IMMP2L: variants seen among roughly 807,000 people sequenced by gnomAD.
IMMP2L encodes inner mitochondrial membrane peptidase subunit 2.
IMMP2L carries 18 observed loss-of-function variants against 19.3 expected under a neutral mutation model. The observed-to-expected ratio is 0.93, with a 90% CI of 0.64 to 1.38. The LOEUF (loss-of-function observed/expected upper bound fraction) is 1.38, where lower values mean the gene tolerates loss of function less well. Among genes scored for constraint, IMMP2L ranks in the 40% most tolerant of loss-of-function variants. The pLI is 0.00. For missense variants in IMMP2L, 233 were observed against 218.2 expected, an observed-to-expected ratio of 1.07 and a Z score of -0.43; for synonymous variants, 76 against 73.0, an observed-to-expected ratio of 1.04 and a Z score of -0.21.
intron 3 of IMMP2L, among the ~76,000 whole-genome samples, chr7:111,417,027 T>C (rs927058732): frequency 6.6e-6 from 1 of 151,802 alleles, no homozygotes; most frequent in Non-Finnish European, 1.5e-5. Context: ...ATTCACTTTC[T>C]TAGTTGCACT....
At chr7:110,956,680 G>A (rs1818387841) in intron 4 of IMMP2L, among the ~76,000 whole-genome samples, 1 of 151,914 alleles carries the variant, frequency 6.6e-6, no homozygotes, top group African/African-American at 2.4e-5. Context: ...GGACTAAAAA[G>A]AGTCCATTCC....
chr7:110,861,069 T>TTGTGTGTGTGTGTGTG (rs754363475), intron 5 of IMMP2L, among the ~76,000 whole-genome samples: 73 of 129,068 alleles, frequency 5.7e-4, no homozygotes, highest in African/African-American at 2.0e-3. Flanking sequence ...CACCAGCAGT[T>TTGTGTGTGTGTGTGTG]TGTGTGTGTG....
intron 3 of IMMP2L, among the ~76,000 whole-genome samples, chr7:111,015,371 C>A (rs1020148971): frequency 1.3e-5 from 2 of 151,936 alleles, no homozygotes; most frequent in African/African-American, 4.8e-5. Context: ...ATAGATACAG[C>A]AAGTAGAATG....
chr7:111,127,621 T>G (rs1308677125), intron 3 of IMMP2L, among the ~76,000 whole-genome samples: 1 of 152,306 alleles, frequency 6.6e-6, no homozygotes, highest in African/African-American at 2.4e-5. Context: ...CTCTCTCTGT[T>G]ACCTCTTAAT....
intron 5 of IMMP2L, among the ~76,000 whole-genome samples, chr7:110,773,502 C>T (rs1799174671): frequency 6.6e-6 from 1 of 152,112 alleles, no homozygotes; most frequent in Admixed American, 6.6e-5. Flanking sequence ...CATTACGTAT[C>T]AGGTGCAGGG....
At chr7:111,022,904 G>C (rs925958596) in intron 3 of IMMP2L, among the ~76,000 whole-genome samples, 3 of 152,026 alleles carry the variant, frequency 2.0e-5, no homozygotes, top group African/African-American at 7.3e-5. Flanking sequence ...AAAATGTTGT[G>C]AAATTGAATG....
chr7:111,462,433 C>G (rs1840214873), intron 3 of IMMP2L, among the ~76,000 whole-genome samples: 1 of 152,008 alleles, frequency 6.6e-6, no homozygotes, highest in Non-Finnish European at 1.5e-5. Flanking sequence ...CAATGAAACA[C>G]AGTTAATTAC....
At chr7:111,164,055 G>A (rs983844364) in intron 3 of IMMP2L, among the ~76,000 whole-genome samples, 3 of 145,698 alleles carry the variant, frequency 2.1e-5, no homozygotes, top group Admixed American at 1.4e-4. Context: ...ACTGGTAAAG[G>A]CATAGTATGA....
At chr7:111,206,592 A>T (rs982353906) in intron 3 of IMMP2L, among the ~76,000 whole-genome samples, 1 of 152,172 alleles carries the variant, frequency 6.6e-6, no homozygotes, top group African/African-American at 2.4e-5. Context: ...AATGTATCAA[A>T]ATAATAACAT....
intron 3 of IMMP2L, among the ~76,000 whole-genome samples, chr7:111,161,335 G>A (rs1228271636): frequency 1.3e-5 from 2 of 151,684 alleles, no homozygotes; most frequent in South Asian, 2.1e-4. Context: ...TAAATATCCC[G>A]AACAAAATGC....
At chr7:111,505,584 T>C (rs1335857821) in intron 2 of IMMP2L, among the ~76,000 whole-genome samples, 1 of 152,102 alleles carries the variant, frequency 6.6e-6, no homozygotes, top group Non-Finnish European at 1.5e-5. Context: ...TGTCCAACAA[T>C]GATAGACTAG....
chr7:111,254,344 T>C (rs1816471741), intron 3 of IMMP2L, among the ~76,000 whole-genome samples: 1 of 152,144 alleles, frequency 6.6e-6, no homozygotes, highest in African/African-American at 2.4e-5. Flanking sequence ...TTTGAATATA[T>C]GCAAATCTGC....
At chr7:110,921,092 G>C (rs1029007608) in intron 4 of IMMP2L, among the ~76,000 whole-genome samples, 1 of 152,164 alleles carries the variant, frequency 6.6e-6, no homozygotes, top group Non-Finnish European at 1.5e-5. Context: ...GATTCATGTT[G>C]AATAATATTT....
chr7:111,012,449 C>T (rs982296827), intron 3 of IMMP2L, among the ~76,000 whole-genome samples: 1 of 152,002 alleles, frequency 6.6e-6, no homozygotes, highest in Non-Finnish European at 1.5e-5. Flanking sequence ...GCATTCAGTT[C>T]CTCTACATTA....
At chr7:111,560,355 C>T (rs765920824) in intron 1 of IMMP2L, among the ~76,000 whole-genome samples, 1 of 152,080 alleles carries the variant, frequency 6.6e-6, no homozygotes, top group Non-Finnish European at 1.5e-5. Flanking sequence ...GGTCTACTTT[C>T]GAATTTATTT....
chr7:111,508,540 C>T (rs1269014711), intron 2 of IMMP2L, among the ~76,000 whole-genome samples: 2 of 152,054 alleles, frequency 1.3e-5, no homozygotes, highest in Non-Finnish European at 2.9e-5. Context: ...AAGCTTTCAG[C>T]CAAGAGAGGG....
At chr7:110,819,751 T>A (rs899092929) in intron 5 of IMMP2L, among the ~76,000 whole-genome samples, 1 of 152,068 alleles carries the variant, frequency 6.6e-6, no homozygotes, top group African/African-American at 2.4e-5. Context: ...AAATGGATAA[T>A]AATACGAATT....
At chr7:111,403,230 G>A (rs888648491) in intron 3 of IMMP2L, among the ~76,000 whole-genome samples, 1 of 151,594 alleles carries the variant, frequency 6.6e-6, no homozygotes, top group South Asian at 2.1e-4. Context: ...GAGATCTCAT[G>A]GTTTAAAATT....
intron 3 of IMMP2L, among the ~76,000 whole-genome samples, chr7:111,321,231 A>C (rs138709594): frequency 2.9e-4 from 44 of 152,126 alleles, no homozygotes; most frequent in South Asian, 6.2e-4. Flanking sequence ...CCAAAAAAGC[A>C]TCTGTCCATA....
Sources: gnomAD v4.1 joint callset for allele counts (sites outside exome capture counted in the v4.1 genomes callset) on GRCh38, gnomAD v4.1.1 for gene constraint, MANE v1.5 for transcripts, NCBI Gene and HGNC (gene_info 2026-07-23, HGNC 2026-07-21) for gene names.